Variants in CDC42BPA observed in about 807,000 individuals in gnomAD.
The protein encoded by CDC42BPA is CDC42 binding protein kinase alpha, also known as serine/threonine-protein kinase MRCK alpha.
A neutral mutation model predicts 223.5 loss-of-function variants in CDC42BPA; 80 were observed. The observed-to-expected ratio is 0.36, with a 90% CI of 0.30 to 0.43. CDC42BPA has a LOEUF of 0.43. Ranked by LOEUF, CDC42BPA falls within the 20% of genes least tolerant of loss-of-function variation. The pLI is 1.00. For missense variants in CDC42BPA, 1,743 were observed against 2,099.9 expected, an observed-to-expected ratio of 0.83 and a Z score of 3.32; for synonymous variants, 694 against 718.6, an observed-to-expected ratio of 0.97 and a Z score of 0.55.
intron 26 of CDC42BPA, among the ~76,000 whole-genome samples, chr1:227,033,915 T>C (rs1479088470): frequency 2.0e-5 from 3 of 152,234 alleles, no homozygotes; most frequent in Non-Finnish European, 4.4e-5. Context: ...TTCTTTTCCC[T>C]ATCTATATTC....
At chr1:227,013,658 A>G (rs1364665786) in intron 34 of CDC42BPA, among the ~76,000 whole-genome samples, 2 of 152,078 alleles carry the variant, frequency 1.3e-5, no homozygotes, top group Non-Finnish European at 2.9e-5. Context: ...CATTTTCTAT[A>G]CTACTTCTAG....
intron 5 of CDC42BPA, among the ~76,000 whole-genome samples, chr1:227,169,608 G>A (rs1665739130): frequency 6.6e-6 from 1 of 152,084 alleles, no homozygotes; most frequent in Non-Finnish European, 1.5e-5. Flanking sequence ...AGGCCATAGA[G>A]ACCAGAGTTC....
At chr1:227,108,039 CAACT>C (rs142688824) in intron 14 of CDC42BPA, among the ~76,000 whole-genome samples, 8,185 of 152,064 alleles carry the variant, frequency 0.054, 244 homozygotes, top group Non-Finnish European at 0.072. Flanking sequence ...GACTTCTAAC[CAACT>C]AACTTTTTGT....
At chr1:227,303,370 T>TAAATACAAATTTACTTAA in intron 1 of CDC42BPA, among the ~76,000 whole-genome samples, 1 of 152,330 alleles carries the variant, frequency 6.6e-6, no homozygotes, top group Admixed American at 6.5e-5. Flanking sequence ...GGAGCAGAAG[T>TAAATACAAATTTACTTAA]AAATACAAAT....
chr1:226,995,904 G>C (rs1292883835), intron 35 of CDC42BPA, among the ~76,000 whole-genome samples: 1 of 152,194 alleles, frequency 6.6e-6, no homozygotes, highest in Non-Finnish European at 1.5e-5. Context: ...GGTTGTGCTT[G>C]TTTCAACTTT....
intron 1 of CDC42BPA, among the ~76,000 whole-genome samples, chr1:227,308,361 T>G (rs960103389): frequency 2.6e-5 from 4 of 151,700 alleles, no homozygotes; most frequent in East Asian, 1.9e-4. Flanking sequence ...AAGAAAAAAA[T>G]TAGCCAGGCA....
chr1:227,147,892 C>G (rs531231901), intron 6 of CDC42BPA, among the ~76,000 whole-genome samples: 1 of 100,348 alleles, frequency 1.0e-5, no homozygotes, highest in Non-Finnish European at 2.2e-5. Flanking sequence ...CAAACCTATA[C>G]GTGTAAAAAA....
At chr1:227,303,424 C>T (rs1692008483) in intron 1 of CDC42BPA, among the ~76,000 whole-genome samples, 1 of 152,184 alleles carries the variant, frequency 6.6e-6, no homozygotes, top group Non-Finnish European at 1.5e-5. Context: ...CCACCATAAA[C>T]TATGCCTATG....
intron 13 of CDC42BPA, 77 bp from the exon 14 acceptor site, chr1:227,112,499 T>C: frequency 8.8e-7 from 1 of 1,138,288 alleles, no homozygotes; most frequent in South Asian, 1.8e-5. Flanking sequence ...CAATGAGAAT[T>C]TACCTTGTAA....
rs1322133367 is a variant in CDC42BPA at position 227,045,565 on chromosome 1, CT to C, written c.3093+2361del. Among the ~76,000 whole-genome samples, 29 of 152,058 alleles carry C rather than the reference CT, an allele frequency of 1.9e-4. 1 individual carries two copies. Among genetic ancestry groups the C allele is most frequent in the Non-Finnish European group, 1.2e-4 (8 of 67,994 alleles). ...GATAATTTCCTTCCTTTTCTTTTTT[CT>C]GTCTTCCCTTTCAGGAACTTCTACT... is the stretch of plus-strand genomic sequence containing the variant. On this transcript the variant is annotated intron_variant, in intron 23 of 36. Transcript: ENST00000366766.
Position 227,112,775 on chromosome 1 carries a change from G to A in CDC42BPA, c.1786C>T (p.Leu596Phe), listed in dbSNP as rs1159309477. ...TCCTTATCTCGGACATGGCGAGCAA[G>A]TTTCTGTTTTTGGGTGTGCAATTCT... Reference protein sequence around the residue: ...LTELHTQKQKLARHVRDKEEE... With the variant: ...LTELHTQKQKFARHVRDKEEE... Residue 596 changes from leucine to phenylalanine, a missense_variant, in exon 13 of 37, where the codon CTT (leucine) becomes TTT (phenylalanine). Around this residue, in one of 6 missense-constraint regions of CDC42BPA, gnomAD observed 464 missense variants for 488.0 expected, o/e 0.95. Transcript: ENST00000366766. 1 of 1,613,926 alleles carries A rather than the reference G, an allele frequency of 6.2e-7. No homozygotes were observed. Among genetic ancestry groups the A allele is most frequent in the Non-Finnish European group, 8.5e-7 (1 of 1,179,994 alleles).
chr1:227,177,439 T>C (rs926639509), intron 5 of CDC42BPA, among the ~76,000 whole-genome samples: 1 of 152,228 alleles, frequency 6.6e-6, no homozygotes, highest in African/African-American at 2.4e-5. Context: ...TTAGCCCCCG[T>C]GGTCTTGATG....
chr1:227,065,062 A>C (rs1467791816), intron 21 of CDC42BPA, among the ~76,000 whole-genome samples: 1 of 150,860 alleles, frequency 6.6e-6, no homozygotes, highest in Non-Finnish European at 1.5e-5. Flanking sequence ...GCGCCACTGC[A>C]CTCCAGCCTG....
At chr1:227,191,750 T>A (rs1449025862) in intron 5 of CDC42BPA, among the ~76,000 whole-genome samples, 1 of 152,164 alleles carries the variant, frequency 6.6e-6, no homozygotes, top group Non-Finnish European at 1.5e-5. Flanking sequence ...GGATTTTGGA[T>A]TACTGTTTAA....
chr1:227,152,316 G>C (rs1661936386), intron 6 of CDC42BPA, among the ~76,000 whole-genome samples: 1 of 152,052 alleles, frequency 6.6e-6, no homozygotes, highest in South Asian at 2.1e-4. Context: ...GGTCATAAAA[G>C]TATCCCTTCT....
intron 5 of CDC42BPA, among the ~76,000 whole-genome samples, chr1:227,162,291 CAA>C (rs1296527836): frequency 6.6e-6 from 1 of 151,854 alleles, no homozygotes; most frequent in Non-Finnish European, 1.5e-5. Context: ...TAAAAATTAA[CAA>C]GACATTACAG....
chr1:227,066,464 C>T lies in CDC42BPA; in HGVS notation c.2904+3313G>A, dbSNP rs147913692. 6.4e-3 allele frequency among the ~76,000 whole-genome samples: 973 copies of T among 152,068 alleles called. 8 individuals are homozygous for T. The highest frequency in any genetic ancestry group is 9.4e-3 in the Non-Finnish European group (636 of 67,982). ...AAAAAGAGCTACAGAAGAACTTGAG[C>T]GTTATGCGAAATATCTTGGATGCTG... is the stretch of plus-strand genomic sequence containing the variant. On this transcript the variant is annotated intron_variant, in intron 21 of 36. Transcript: ENST00000366766.
At chr1:227,091,849 A>T in intron 16 of CDC42BPA, 37 bp downstream of exon 16, 2 of 1,107,748 alleles carry the variant, frequency 1.8e-6, no homozygotes, top group Non-Finnish European at 2.7e-6. Context: ...AACATCTAGC[A>T]TGTACTACTC....
chr1:227,117,076 A>C (rs1687882882), intron 12 of CDC42BPA, among the ~76,000 whole-genome samples: 1 of 152,132 alleles, frequency 6.6e-6, no homozygotes. Context: ...CCTCATTTAC[A>C]ACACAGACTC....
Sources: gnomAD v4.1 joint callset for allele counts (sites outside exome capture counted in the v4.1 genomes callset) on GRCh38, gnomAD v4.1.1 for gene constraint, gnomAD v4.1.1 regional missense constraint, MANE v1.5 for transcripts, NCBI Gene and HGNC (gene_info 2026-07-23, HGNC 2026-07-21) for gene names.